DCC: variants seen among roughly 807,000 people sequenced by gnomAD.
The protein encoded by DCC is DCC netrin 1 receptor.
A neutral mutation model predicts 172.5 loss-of-function variants in DCC; 58 were observed. That is an observed-to-expected ratio of 0.34 (90% CI 0.27 to 0.42). The LOEUF is 0.42. Among genes scored for constraint, DCC ranks in the 10% least tolerant of loss-of-function variants. The probability of loss-of-function intolerance (pLI) is 1.00; values close to 1 mark genes in which losing one functional copy is unlikely to be tolerated. For synonymous variants in DCC, 709 were observed against 644.5 expected, an observed-to-expected ratio of 1.10 and a Z score of -1.52; for missense variants, 1,740 against 1,791.0, an observed-to-expected ratio of 0.97 and a Z score of 0.51.
chr18:53,387,730 C>T (rs955244806), intron 16 of DCC, among the ~76,000 whole-genome samples: 1 of 152,140 alleles, frequency 6.6e-6, no homozygotes, highest in African/African-American at 2.4e-5. Context: ...CTTTAGTGAC[C>T]ATCTCTGTCC....
At chr18:52,374,941 C>T (rs970034723) in intron 1 of DCC, among the ~76,000 whole-genome samples, 18 of 152,162 alleles carry the variant, frequency 1.2e-4, no homozygotes, top group Non-Finnish European at 1.8e-4. Flanking sequence ...ATTTCCCAGC[C>T]ATTGACCTCT....
At chr18:52,895,533 G>T (rs1214015295) in intron 2 of DCC, among the ~76,000 whole-genome samples, 1 of 152,062 alleles carries the variant, frequency 6.6e-6, no homozygotes, top group African/African-American at 2.4e-5. Context: ...TATTTTTAAA[G>T]ATATGCTTGT....
In DCC at chr18:53,506,589, G is replaced by C. The variant is rs186740454; in HGVS notation, c.4111+7079G>C. Among the ~76,000 whole-genome samples, 298 of 152,230 alleles carry C rather than the reference G, an allele frequency of 2.0e-3. 1 individual carries two copies. The highest frequency in any genetic ancestry group is 2.6e-3 in the Non-Finnish European group (176 of 68,004). ...TAGAAAGGAGGCGGCCAGGTGTGGT[G>C]GCTCACACCCGTAATCCTAGCACTT... is the stretch of plus-strand genomic sequence containing the variant. On this transcript the variant is annotated intron_variant, in intron 27 of 28. Coordinates refer to ENST00000442544, the MANE Select transcript of DCC (RefSeq NM_005215.4).
chr18:52,628,409 T>C (rs567203956), intron 1 of DCC, among the ~76,000 whole-genome samples: 2 of 152,352 alleles, frequency 1.3e-5, no homozygotes, highest in Admixed American at 1.3e-4. Flanking sequence ...TGTCATTGCT[T>C]TCCTGGGTAT....
At chr18:52,532,558 CTAA>C (rs1454720038) in intron 1 of DCC, among the ~76,000 whole-genome samples, 3 of 152,102 alleles carry the variant, frequency 2.0e-5, no homozygotes, top group Non-Finnish European at 4.4e-5. Context: ...TTAGATGCTG[CTAA>C]TAGGGAGACA....
intron 1 of DCC, among the ~76,000 whole-genome samples, chr18:52,401,897 T>C (rs900535791): frequency 8.6e-5 from 13 of 151,948 alleles, no homozygotes; most frequent in African/African-American, 3.1e-4. Context: ...TAAAATTGTG[T>C]TTTCAATTAT....
At chr18:52,640,644 A>C (rs1250732152) in intron 1 of DCC, among the ~76,000 whole-genome samples, 2 of 152,128 alleles carry the variant, frequency 1.3e-5, no homozygotes, top group Non-Finnish European at 2.9e-5. Context: ...AAACTTAGGA[A>C]TATACCTAAC....
In DCC at chr18:52,700,346, C is replaced by T. The variant is rs2036100087; in HGVS notation, c.92-51708C>T. On this transcript the variant is annotated intron_variant, in intron 1 of 28. Coordinates refer to ENST00000442544, the MANE Select transcript of DCC (RefSeq NM_005215.4). Reference sequence around the variant, plus strand: ...CTCACGGAATGCACACCCATGCACACTCACTCACATGCACACACACACATG... The same window carrying T: ...CTCACGGAATGCACACCCATGCACATTCACTCACATGCACACACACACATG... Among the ~76,000 whole-genome samples the T allele has an allele frequency of 2.1e-5, 3 of 141,840 alleles. No homozygotes were observed. The Admixed American group carries it at 2.2e-4, about 10-fold the overall frequency. The allele number at this position is 141,840 out of a possible 152,430, so 93.1% of individuals were successfully genotyped here.
chr18:53,267,924 AG>A (rs2056701316), intron 12 of DCC, among the ~76,000 whole-genome samples: 1 of 152,192 alleles, frequency 6.6e-6, no homozygotes, highest in African/African-American at 2.4e-5. Flanking sequence ...CTTCTAAAGG[AG>A]ATCCTTTTGT....
intron 15 of DCC, among the ~76,000 whole-genome samples, chr18:53,347,339 G>C (rs1177040714): frequency 1.3e-5 from 2 of 152,094 alleles, no homozygotes; most frequent in South Asian, 2.1e-4. Context: ...CATATAGTTG[G>C]GATTTTGGTT....
In DCC at chr18:52,827,188, G is replaced by A. The variant is rs534010400; in HGVS notation, c.412+74814G>A. On this transcript the variant is annotated intron_variant, in intron 2 of 28. Transcript: ENST00000442544. ...TCTCAGGCTGAGAACACCTATTGAG[G>A]TTAGGTAGGTCATTTAAGTTCATTG... Among the ~76,000 whole-genome samples the A allele has an allele frequency of 8.5e-5, 13 of 152,284 alleles. No individual in the cohort carries two copies. The East Asian group carries it at 2.5e-3, about 29-fold the overall frequency.
At chr18:52,856,436 T>C (rs1427773372) in intron 2 of DCC, among the ~76,000 whole-genome samples, 1 of 151,502 alleles carries the variant, frequency 6.6e-6, no homozygotes, top group Non-Finnish European at 1.5e-5. Flanking sequence ...CCATCCTGGC[T>C]AACACGGTGA....
intron 2 of DCC, among the ~76,000 whole-genome samples, chr18:52,846,402 C>T (rs1482531254): frequency 1.3e-5 from 2 of 151,792 alleles, no homozygotes; most frequent in African/African-American, 2.4e-5. Flanking sequence ...TAGCCAGGCA[C>T]GGTGGTGCCA....
At chr18:52,935,758 C>A (rs1197551956) in intron 5 of DCC, among the ~76,000 whole-genome samples, 1 of 152,012 alleles carries the variant, frequency 6.6e-6, no homozygotes, top group Non-Finnish European at 1.5e-5. Flanking sequence ...TAGGTTTAGG[C>A]TCTTTGCCAT....
chr18:52,954,346 G>A (rs1485944434), intron 5 of DCC, among the ~76,000 whole-genome samples: 1 of 151,782 alleles, frequency 6.6e-6, no homozygotes, highest in African/African-American at 2.4e-5. Flanking sequence ...CATACTGTTT[G>A]TAATTGTCTT....
chr18:53,119,958 A>AT lies in DCC; in HGVS notation c.1262-37397dup, dbSNP rs537632283. ...TAGAAATTTAACAATCTGATGTTAT[A>AT]TAAAAACTGTTGATAATTCAACTTT... On this transcript the variant is annotated intron_variant, in intron 7 of 28. Transcript: ENST00000442544. Among the ~76,000 whole-genome samples, 87 of 152,054 alleles carry AT rather than the reference A, an allele frequency of 5.7e-4. 1 individual carries two copies. Among genetic ancestry groups the AT allele is most frequent in the Admixed American group, 5.6e-3 (86 of 15,232 alleles).
chr18:52,845,656 G>A (rs1208332014), intron 2 of DCC, among the ~76,000 whole-genome samples: 1 of 152,170 alleles, frequency 6.6e-6, no homozygotes, highest in Non-Finnish European at 1.5e-5. Flanking sequence ...CCATCATAGG[G>A]CATAGAATAG....
At chr18:53,033,237 A>G (rs1342750530) in intron 5 of DCC, among the ~76,000 whole-genome samples, 1 of 152,126 alleles carries the variant, frequency 6.6e-6, no homozygotes, top group African/African-American at 2.4e-5. Flanking sequence ...TCAGTCTGCA[A>G]CTAGACTCCT....
rs376570648 is a variant in DCC, at chr18:53,428,123, T to TATATA, written c.3164-7007_3164-7003dup. ...TATAATATAATATAATAATATATAATATATAATATAATATAATAATATATA... is the reference window on the plus strand; with the variant it reads ...TATAATATAATATAATAATATATAATATATAATATAATATAATATAATAATATATA... On this transcript the variant is annotated intron_variant, in intron 21 of 28. Coordinates refer to ENST00000442544, the MANE Select transcript of DCC (RefSeq NM_005215.4). Among the ~76,000 whole-genome samples the TATATA allele has an allele frequency of 1.4e-4, 3 of 20,924 alleles. 1 individual carries two copies. Among genetic ancestry groups the TATATA allele is most frequent in the Non-Finnish European group, 2.4e-4 (3 of 12,252 alleles). The allele number at this position is 20,924 out of a possible 152,430, so 13.7% of individuals were successfully genotyped here.
Sources: allele counts gnomAD v4.1 joint callset (sites outside exome capture counted in the v4.1 genomes callset), GRCh38; gene constraint gnomAD v4.1.1; transcripts MANE v1.5; gene names NCBI Gene and HGNC (gene_info 2026-07-23, HGNC 2026-07-21).